The following DMD variants were observed in gnomAD, a reference collection of about 807,000 sequenced individuals.
The protein encoded by DMD is mutant dystrophin.
Under a neutral mutation model 330.1 loss-of-function variants are expected in DMD, and 63 were observed. That is an observed-to-expected ratio of 0.19 (90% CI 0.16 to 0.24). The LOEUF (loss-of-function observed/expected upper bound fraction) is 0.24, where lower values mean the gene tolerates loss of function less well. DMD is among the 10% of genes least tolerant of loss of function. The pLI is 1.00. For missense variants in DMD, 3,344 were observed against 2,684.1 expected, an observed-to-expected ratio of 1.25 and a Z score of -5.43; for synonymous variants, 1,223 against 959.8, an observed-to-expected ratio of 1.27 and a Z score of -5.07.
intron 43 of DMD, among the ~76,000 whole-genome samples, chrX:32,248,559 T>A (rs2097251208): frequency 1.8e-5 from 2 of 108,814 alleles, no homozygotes; most frequent in Non-Finnish European, 3.8e-5. Context: ...CCACTTTATA[T>A]TCTGTTTCTA....
At chrX:31,228,089 A>C (rs1207504955) in intron 63 of DMD, among the ~76,000 whole-genome samples, 1 of 94,501 alleles carries the variant, frequency 1.1e-5, no homozygotes, top group Non-Finnish European at 2.1e-5. Context: ...GGGGAATATC[A>C]CACTCTGGGG....
At chrX:32,447,700 G>T in intron 27 of DMD, among the ~76,000 whole-genome samples, 2 of 111,804 alleles carry the variant, frequency 1.8e-5, no homozygotes, top group East Asian at 2.8e-4. Context: ...GGGGCTTAAA[G>T]TCCAACTCAT....
intron 9 of DMD, among the ~76,000 whole-genome samples, chrX:32,677,913 T>C (rs1330038910): frequency 8.9e-6 from 1 of 112,024 alleles, no homozygotes; most frequent in East Asian, 2.8e-4. Context: ...AATGGAATTT[T>C]ATTCAGTCTT....
At chrX:32,765,057 G>A (rs766736572) in intron 7 of DMD, among the ~76,000 whole-genome samples, 3 of 108,806 alleles carry the variant, frequency 2.8e-5, no homozygotes, top group South Asian at 8.1e-4. Flanking sequence ...AATGATCAGC[G>A]ATATCGATTA....
chrX:31,542,693 G>A (rs2073901708), intron 55 of DMD, among the ~76,000 whole-genome samples: 1 of 112,084 alleles, frequency 8.9e-6, no homozygotes, highest in African/African-American at 3.2e-5. Flanking sequence ...ATTCACCAGA[G>A]CAGTTTGACC....
At chrX:32,151,309 T>C (rs1478212160) in intron 44 of DMD, 1 of 111,621 alleles carries the variant, frequency 9.0e-6, no homozygotes, top group African/African-American at 3.3e-5. Context: ...CTCCCCTTTT[T>C]CCAGGGACAA....
intron 62 of DMD, among the ~76,000 whole-genome samples, chrX:31,287,812 C>T (rs956767988): frequency 3.6e-5 from 4 of 111,819 alleles, no homozygotes; most frequent in Admixed American, 2.9e-4. Context: ...GCTTCAATTA[C>T]GTGTACAGCA....
At position 32,463,565 on chromosome X, in the gene DMD, C is replaced by T; in HGVS notation, c.3306G>A (p.Gln1102=). Residue 1102 remains glutamine, a synonymous_variant, in exon 25 of 79, where the codon CAG becomes CAA. Transcript: ENST00000357033. ...CTTCATTGACACTGTTTAGACTGGG[C>T]TGAATTGTCTGAATATCACTGACTA... ...RLLVSDIQTI[Q]PSLNSVNEGG... 8.4e-7 allele frequency: 1 copy of T among 1,184,083 alleles called. No individual in the cohort carries two copies. Among genetic ancestry groups the T allele is most frequent in the Non-Finnish European group, 1.1e-6 (1 of 880,930 alleles).
At chrX:32,362,280 G>A (rs2097839175) in intron 37 of DMD, among the ~76,000 whole-genome samples, 1 of 55,323 alleles carries the variant, frequency 1.8e-5, no homozygotes, top group Admixed American at 2.6e-4. Flanking sequence ...TGCACAACCA[G>A]TAAAGAGGTA....
intron 45 of DMD, among the ~76,000 whole-genome samples, chrX:31,958,882 A>G (rs940008118): frequency 7.2e-5 from 8 of 111,130 alleles, no homozygotes; most frequent in African/African-American, 2.6e-4. Context: ...AGACTATTAT[A>G]TCCCAAGTTG....
At position 31,434,473 on chromosome X, in the gene DMD, C is replaced by CAT. The variant is rs1556636701; in HGVS notation, c.9084+10006_9084+10007dup. On this transcript the variant is annotated intron_variant, in intron 60 of 78. Coordinates refer to ENST00000357033, the MANE Select transcript of DMD (RefSeq NM_004006.3). ...ACACACACACACACACACACACACA[C>CAT]ATTTAGGTCCTTACTATATATTCTG... Among the ~76,000 whole-genome samples the CAT allele has an allele frequency of 1.2e-4, 11 of 91,138 alleles. No individual in the cohort carries two copies. The East Asian group carries it at 2.9e-3, about 24-fold the overall frequency. The allele number at this position is 91,138 out of a possible 115,157, so 79.1% of individuals were successfully genotyped here.
chrX:31,669,511 A>G (rs772227647), intron 53 of DMD, among the ~76,000 whole-genome samples: 2 of 111,762 alleles, frequency 1.8e-5, no homozygotes, highest in South Asian at 3.7e-4. Context: ...AGGTGGGGCC[A>G]AATTTCATTA....
At chrX:33,064,627 G>A (rs2094625811) in intron 1 of DMD, among the ~76,000 whole-genome samples, 2 of 111,980 alleles carry the variant, frequency 1.8e-5, no homozygotes, top group Admixed American at 1.9e-4. Flanking sequence ...GGTGGCTCAT[G>A]CCTGTAATCC....
At chrX:31,245,482 C>G (rs1338799732) in intron 63 of DMD, among the ~76,000 whole-genome samples, 2 of 111,915 alleles carry the variant, frequency 1.8e-5, no homozygotes, top group African/African-American at 6.5e-5. Flanking sequence ...AGGCTCATTA[C>G]AGGCTCATCT....
chrX:32,837,329 G>A (rs1178766669), intron 4 of DMD, among the ~76,000 whole-genome samples: 2 of 111,616 alleles, frequency 1.8e-5, no homozygotes, highest in Non-Finnish European at 3.8e-5. Context: ...CTAAGGAGCG[G>A]CACTGGCAAA....
At chrX:32,839,867 C>T (rs764897229) in intron 4 of DMD, among the ~76,000 whole-genome samples, 3 of 111,097 alleles carry the variant, frequency 2.7e-5, no homozygotes, top group South Asian at 7.7e-4. Flanking sequence ...CACACCACCA[C>T]GCTCAGCTAA....
Position 32,521,633 on chromosome X carries a change from G to A in DMD, c.2169-3502C>T, listed in dbSNP as rs557140376. ...ACAGCTATATAACCATCTGCCTATT[G>A]GATGTCTCCACTTGCATGCTGCAAA... On this transcript the variant is annotated intron_variant, in intron 17 of 78. Coordinates refer to ENST00000357033, the MANE Select transcript of DMD (RefSeq NM_004006.3). Among the ~76,000 whole-genome samples, 210 of 112,031 alleles carry A rather than the reference G, an allele frequency of 1.9e-3. 2 individuals carry two copies. The highest frequency in any genetic ancestry group is 0.016 in the Admixed American group (165 of 10,610).
intron 7 of DMD, among the ~76,000 whole-genome samples, chrX:32,771,511 C>A (rs1316541125): frequency 9.0e-6 from 1 of 110,898 alleles, no homozygotes; most frequent in South Asian, 3.8e-4. Context: ...AATACACACA[C>A]ACACACACAC....
chrX:32,619,457 C>T lies in DMD; in HGVS notation c.1332-5004G>A, dbSNP rs187691880. ...GTAGAGAGAGAGGACGTTAAATATT[C>T]CCACCATAAAAATGATAAATATGTA... On this transcript the variant is annotated intron_variant, in intron 11 of 78. Coordinates refer to ENST00000357033, the MANE Select transcript of DMD (RefSeq NM_004006.3). Among the ~76,000 whole-genome samples the T allele has an allele frequency of 2.2e-4, 25 of 111,416 alleles. No individual in the cohort carries two copies. In the East Asian group the frequency reaches 4.8e-3, roughly 21 times the overall value.
Sources: gnomAD v4.1 joint callset for allele counts (sites outside exome capture counted in the v4.1 genomes callset) on GRCh38, gnomAD v4.1.1 for gene constraint, MANE v1.5 for transcripts, NCBI Gene and HGNC (gene_info 2026-07-23, HGNC 2026-07-21) for gene names.